FSTL1: variants seen among roughly 807,000 people sequenced by gnomAD.
FSTL1 encodes follistatin like 1, also known as follistatin-related protein 1.
A neutral mutation model predicts 45.9 loss-of-function variants in FSTL1; 24 were observed. That is an observed-to-expected ratio of 0.52 (90% confidence interval 0.38 to 0.74). The LOEUF (loss-of-function observed/expected upper bound fraction) is 0.74. Ranked by LOEUF, FSTL1 falls within the 30% of genes least tolerant of loss-of-function variation. FSTL1 has a pLI of 0.00. For missense variants in FSTL1, 340 were observed against 381.8 expected (o/e 0.89, Z 0.91); for synonymous variants, 120 against 137.6 (o/e 0.87, Z 0.89).
chr3:120,418,194 C>A (rs983130476), intron 2 of FSTL1, among the ~76,000 whole-genome samples: 9 of 152,298 alleles, frequency 5.9e-5, no homozygotes, highest in Middle Eastern at 3.4e-3. Flanking sequence ...GTACAATTTA[C>A]AAAATGTTTT....
intron 2 of FSTL1, chr3:120,421,431 A>G (rs1324323699): frequency 6.6e-6 from 1 of 152,232 alleles, no homozygotes; most frequent in Non-Finnish European, 1.5e-5. Context: ...ACAGAATACC[A>G]TGGAGCTGGG....
chr3:120,441,989 T>A (rs1937633801), intron 2 of FSTL1, among the ~76,000 whole-genome samples: 1 of 152,126 alleles, frequency 6.6e-6, no homozygotes, highest in African/African-American at 2.4e-5. Context: ...CGAGGAAAAA[T>A]CAGTAATCAG....
intron 2 of FSTL1, among the ~76,000 whole-genome samples, chr3:120,427,621 T>A (rs758489678): frequency 6.6e-5 from 10 of 152,188 alleles, no homozygotes; most frequent in Non-Finnish European, 1.2e-4. Context: ...CAGCCTGGAA[T>A]TTCACTAATT....
intron 2 of FSTL1, among the ~76,000 whole-genome samples, chr3:120,422,524 A>T (rs1170053284): frequency 6.6e-6 from 1 of 152,184 alleles, no homozygotes; most frequent in East Asian, 1.9e-4. Context: ...AACAAAAATT[A>T]TTTTAAAATG....
At chr3:120,433,709 G>C (rs1937512446) in intron 2 of FSTL1, among the ~76,000 whole-genome samples, 1 of 152,224 alleles carries the variant, frequency 6.6e-6, no homozygotes, top group African/African-American at 2.4e-5. Flanking sequence ...AACTCTGGGA[G>C]AGAGGGCACC....
intron 2 of FSTL1, among the ~76,000 whole-genome samples, chr3:120,417,209 T>TG (rs1315030113): frequency 6.6e-6 from 1 of 152,226 alleles, no homozygotes; most frequent in Non-Finnish European, 1.5e-5. Context: ...TACCACATTA[T>TG]GCAGAGAACT....
chr3:120,402,435 T>G (rs1039760807), intron 9 of FSTL1, among the ~76,000 whole-genome samples: 2 of 151,912 alleles, frequency 1.3e-5, no homozygotes, highest in African/African-American at 4.8e-5. Flanking sequence ...TATTAAATAA[T>G]AATTATTGTT....
intron 2 of FSTL1, among the ~76,000 whole-genome samples, chr3:120,429,324 C>T (rs1379377747): frequency 6.6e-6 from 1 of 152,198 alleles, no homozygotes; most frequent in African/African-American, 2.4e-5. Flanking sequence ...AGGGAGGCTG[C>T]AAGTTTAATT....
At chr3:120,416,055 G>A (rs372067617) in intron 2 of FSTL1, 28 bp from the exon 3 acceptor site, 34 of 1,457,372 alleles carry the variant, frequency 2.3e-5, no homozygotes, top group Admixed American at 1.2e-4. Flanking sequence ...AAAGGAAACC[G>A]TGTGACTGAG....
rs1576232293 is a variant in FSTL1, at chr3:120,450,912, G to A, written c.-16C>T. The A allele has an allele frequency of 2.4e-5, 12 of 506,796 alleles. No individual in the cohort carries two copies. The South Asian group carries it at 3.4e-4, about 14-fold the overall frequency. The allele number at this position is 506,796 out of a possible 1,614,324, so 31.4% of individuals were successfully genotyped here. ...CTGCGCTCACCGTGGTCTGGTCCAG[G>A]TCTCCTGGGGGCGCGGGGCAGGACG... On this transcript the variant is annotated 5_prime_UTR_variant, in exon 1 of 11. Transcript: ENST00000295633.
At chr3:120,409,219 C>T (rs187454063) in intron 6 of FSTL1, among the ~76,000 whole-genome samples, 1 of 152,300 alleles carries the variant, frequency 6.6e-6, no homozygotes, top group Admixed American at 6.5e-5. Context: ...CAGCCAGATC[C>T]ATAAGGTGTC....
chr3:120,408,476 T>C (rs1422549161), intron 6 of FSTL1, among the ~76,000 whole-genome samples: 2 of 152,228 alleles, frequency 1.3e-5, no homozygotes, highest in African/African-American at 4.8e-5. Flanking sequence ...TTCTATAGTG[T>C]CAGAAAGAGA....
chr3:120,416,054 C>A (rs2272516), intron 2 of FSTL1, 27 bp from the exon 3 acceptor site: 100,313 of 1,480,668 alleles, frequency 0.068, 3,778 homozygotes, highest in East Asian at 0.15. Context: ...TAAAGGAAAC[C>A]GTGTGACTGA....
intron 3 of FSTL1, among the ~76,000 whole-genome samples, chr3:120,414,477 C>T (rs571156179): frequency 6.0e-5 from 9 of 150,776 alleles, no homozygotes; most frequent in South Asian, 4.2e-4. Context: ...GCCACCACCC[C>T]GTCTGGGAGG....
intron 5 of FSTL1, 85 bp downstream of exon 5, chr3:120,410,867 T>C (rs779145256): frequency 1.3e-5 from 13 of 1,037,746 alleles, no homozygotes; most frequent in Non-Finnish European, 2.0e-5. Context: ...CTTATGAGCT[T>C]GGCAGGGATT....
chr3:120,421,454 C>T (rs1168185124), intron 2 of FSTL1: 1 of 152,282 alleles, frequency 6.6e-6, no homozygotes, highest in Non-Finnish European at 1.5e-5. Context: ...CAAAGGAATT[C>T]ACAGAACTGG....
chr3:120,410,745 C>A (rs534126144), intron 5 of FSTL1: 205 of 675,084 alleles, frequency 3.0e-4, no homozygotes, highest in Admixed American at 2.4e-3. Context: ...AACATTCTGA[C>A]CCAACCAGCT....
At chr3:120,425,072 A>G (rs1937353610) in intron 2 of FSTL1, among the ~76,000 whole-genome samples, 1 of 152,142 alleles carries the variant, frequency 6.6e-6, no homozygotes, top group Non-Finnish European at 1.5e-5. Flanking sequence ...GCAGCCCACA[A>G]GGGGTCTCTG....
chr3:120,412,809 C>T (rs1559736920), intron 3 of FSTL1, among the ~76,000 whole-genome samples: 2 of 120,338 alleles, frequency 1.7e-5, no homozygotes, highest in East Asian at 5.0e-4. Context: ...CAGGCAAACA[C>T]ACACACATGT....
Sources: gnomAD v4.1 joint callset for allele counts (sites outside exome capture counted in the v4.1 genomes callset) on GRCh38, gnomAD v4.1.1 for gene constraint, MANE v1.5 for transcripts, NCBI Gene and HGNC (gene_info 2026-07-23, HGNC 2026-07-21) for gene names.